Variants in DNAH2 observed in about 807,000 individuals in gnomAD.
DNAH2 encodes dynein axonemal heavy chain 2, also known as axonemal beta dynein heavy chain 2.
Under a neutral mutation model 523.5 loss-of-function variants are expected in DNAH2, and 323 were observed. The ratio of observed to expected loss-of-function variants is 0.62; its 90% CI spans 0.56 to 0.68. DNAH2 has a LOEUF of 0.68. Ranked by LOEUF, DNAH2 falls within the 30% of genes least tolerant of loss-of-function variation. The probability of loss-of-function intolerance (pLI) is 0.00; values close to 1 mark genes in which losing one functional copy is unlikely to be tolerated. For synonymous variants in DNAH2, 2,093 were observed against 2,177.4 expected (o/e 0.96, Z 1.08); for missense variants, 4,907 against 5,701.5 (o/e 0.86, Z 4.49).
chr17:7,799,360 C>CAA (rs2077159659), intron 56 of DNAH2, 118 bp downstream of exon 56: 1 of 1,389,506 alleles, frequency 7.2e-7, no homozygotes, highest in African/African-American at 1.4e-5. Context: ...CTGCCCGCCT[C>CAA]ACCCATCTCC....
intron 14 of DNAH2, 31 bp from the exon 15 acceptor site, chr17:7,758,854 G>A (rs1011260031): frequency 2.5e-6 from 4 of 1,610,492 alleles, no homozygotes; most frequent in Non-Finnish European, 3.4e-6. Context: ...TTCCCGAGCT[G>A]AAACTCCCCC....
At chr17:7,762,126 C>T (rs1236356096) in intron 18 of DNAH2, among the ~76,000 whole-genome samples, 9 of 152,204 alleles carry the variant, frequency 5.9e-5, no homozygotes, top group African/African-American at 1.7e-4. Flanking sequence ...TACCTTGGAA[C>T]CTTGTGAAAT....
intron 70 of DNAH2, 52 bp downstream of exon 70, chr17:7,818,828 C>A (rs1189546036): frequency 1.7e-5 from 28 of 1,611,356 alleles, no homozygotes; most frequent in Non-Finnish European, 2.4e-5. Flanking sequence ...TCCCAGCCAG[C>A]CTCCACCCAG....
Position 7,817,822 on chromosome 17 carries a change from C to G in DNAH2, c.10202C>G (p.Ala3401Gly). Residue 3401 changes from alanine to glycine, a missense_variant, in exon 67 of 86, where the codon GCC (alanine) becomes GGC (glycine). Physicochemically the swap from Ala to Gly is moderately conservative, Grantham distance 60. This residue lies in a region of DNAH2 where 1,851 missense variants were observed against 2,139.4 expected (regional missense o/e 0.87). Transcript: ENST00000572933. ...WALMIDPQAQ[A>G]LKWIKNMEGG... ...CTGATGATCGACCCTCAGGCCCAGG[C>G]CCTGAAATGGATTAAGAACATGGAA... 1.9e-6 allele frequency: 3 copies of G among 1,614,060 alleles called. No homozygotes were observed. The highest frequency in any genetic ancestry group is 2.5e-6 in the Non-Finnish European group (3 of 1,180,002).
intron 12 of DNAH2, among the ~76,000 whole-genome samples, chr17:7,746,406 T>C (rs958132854): frequency 1.3e-5 from 2 of 152,230 alleles, no homozygotes; most frequent in African/African-American, 2.4e-5. Context: ...TAGTGTACTA[T>C]ACATATTGTT....
rs564113606 is a variant in DNAH2 at position 7,817,886 on chromosome 17, C to G, written c.10236+30C>G. ...GAGGCTGGGGGGTCAGGTTAGCCCC[C>G]CCCTTCCTGAGGCCCCACCTCTCCC... On this transcript the variant is annotated intron_variant, in intron 67 of 85. Transcript: ENST00000572933. 3.1e-6 allele frequency: 5 copies of G among 1,614,020 alleles called. No homozygotes were observed. In the South Asian group the frequency reaches 4.4e-5, roughly 14 times the overall value.
rs753195970 is a variant in DNAH2, at chr17:7,817,331, C to G, written c.9936C>G (p.Leu3312=). 1 of 1,608,344 alleles carries G rather than the reference C, an allele frequency of 6.2e-7. No homozygotes were observed. Among genetic ancestry groups the G allele is most frequent in the Non-Finnish European group, 8.5e-7 (1 of 1,178,410 alleles). The change falls in exon 65 of 86, where the codon CTC becomes CTG. Residue 3312 remains leucine (L), a synonymous_variant. Transcript: ENST00000572933. ...TGGGCTACCTGGTGGGGGACTGTCTCCTGGCAGCTGCCTTCCTGTCCTACA... is the reference window on the plus strand; with the variant it reads ...TGGGCTACCTGGTGGGGGACTGTCTGCTGGCAGCTGCCTTCCTGTCCTACA... ...EDLGYLVGDC[L]LAAAFLSYMG... is the part of the protein sequence containing the mutation.
Position 7,831,347 on chromosome 17 carries a change from G to C in DNAH2, c.12459+33G>C. ...GAGCCGGGCCTGGGGGAGGGAAAGT[G>C]ATGAGAAGAGGGGGCTACACTCAAG... On this transcript the variant is annotated intron_variant, in intron 80 of 85. Coordinates refer to ENST00000572933, the MANE Select transcript of DNAH2 (RefSeq NM_020877.5). The surrounding 1 kb of genome is among the most constrained non-coding windows in gnomAD (Gnocchi z 4.2). 1 of 1,614,002 alleles carries C rather than the reference G, an allele frequency of 6.2e-7. No individual in the cohort carries two copies. The highest frequency in any genetic ancestry group is 8.5e-7 in the Non-Finnish European group (1 of 1,179,952).
At chr17:7,779,526 T>C in intron 36 of DNAH2, 103 bp downstream of exon 36, 2 of 1,265,076 alleles carry the variant, frequency 1.6e-6, no homozygotes, top group Non-Finnish European at 1.1e-6. Context: ...CGAATGTATA[T>C]AGCTAAGTGA....
chr17:7,719,813 C>G lies in DNAH2; in HGVS notation c.79C>G (p.Arg27Gly). Residue 27 changes from arginine to glycine, a missense_variant, in exon 2 of 86, where the codon CGG (arginine) becomes GGG (glycine). Physicochemically the swap from Arg to Gly is moderately radical, Grantham distance 125 (BLOSUM62 -2). Around this residue, in one of 3 missense-constraint regions of DNAH2, gnomAD observed 2,806 missense variants for 3,190.8 expected, o/e 0.88. Coordinates refer to ENST00000572933, the MANE Select transcript of DNAH2 (RefSeq NM_020877.5). ...SQASWSGRAT[R>G]AAVATQEQGN... Reference sequence around the variant, plus strand: ...GGCAAGCTGGTCAGGGCGGGCCACTCGGGCTGCTGTGGCCACACAGGAGCA... The same window carrying G: ...GGCAAGCTGGTCAGGGCGGGCCACTGGGGCTGCTGTGGCCACACAGGAGCA... The G allele has an allele frequency of 6.2e-7, 1 of 1,612,812 alleles. No homozygotes were observed. The highest frequency in any genetic ancestry group is 8.5e-7 in the Non-Finnish European group (1 of 1,179,442).
In DNAH2 at chr17:7,797,312, A is replaced by T. The variant is rs770922161; in HGVS notation, c.7949+51A>T. On this transcript the variant is annotated intron_variant, in intron 51 of 85. Coordinates refer to ENST00000572933, the MANE Select transcript of DNAH2 (RefSeq NM_020877.5). ...CGAAGGCTTCCTCAGCCTTGCTCCC[A>T]CCCCTACTTTGTTCCCAGCCTGACA... The T allele has an allele frequency of 8.7e-6, 14 of 1,613,048 alleles. No individual in the cohort carries two copies. The East Asian group carries it at 3.1e-4, about 36-fold the overall frequency.
chr17:7,761,158 A>C (rs1348839463), intron 18 of DNAH2, among the ~76,000 whole-genome samples: 10 of 152,184 alleles, frequency 6.6e-5, no homozygotes, highest in Non-Finnish European at 1.2e-4. Context: ...CTAGGGGAGG[A>C]TGGCAGGGCC....
chr17:7,759,395 C>G, intron 15 of DNAH2, 27 bp from the exon 16 acceptor site: 1 of 1,583,772 alleles, frequency 6.3e-7, no homozygotes, highest in Non-Finnish European at 8.6e-7. Flanking sequence ...CTGAAAAGTT[C>G]TCTTTTTCCT....
In DNAH2 at chr17:7,781,039, C is replaced by A. The variant is rs1383146953; in HGVS notation, c.6004-3C>A. ...GCCTGAGTCTCTGTCTTTTCCCATT[C>A]AGGTTCTGCTGCTCTCAATGAGAGA... On this transcript the variant is annotated splice_region_variant and splice_polypyrimidine_tract_variant and intron_variant, in intron 38 of 85. Coordinates refer to ENST00000572933, the MANE Select transcript of DNAH2 (RefSeq NM_020877.5). 5.6e-6 allele frequency: 9 copies of A among 1,614,034 alleles called. No individual in the cohort carries two copies. The South Asian group carries it at 7.7e-5, about 14-fold the overall frequency.
In DNAH2 at chr17:7,780,655, T is replaced by A; in HGVS notation, c.5876T>A (p.Leu1959His). Residue 1959 changes from leucine to histidine, a missense_variant, in exon 38 of 86, where the codon CTC (leucine) becomes CAC (histidine). By Grantham distance (99) the Leu-to-His change is moderately conservative (BLOSUM62 -3). Coordinates refer to ENST00000572933, the MANE Select transcript of DNAH2 (RefSeq NM_020877.5). The surrounding 1 kb of genome is among the most constrained non-coding windows in gnomAD (Gnocchi z 4.4). ...ATTCTGGCCAAGAAGGTGTACACAC[T>A]CTACTCACTGGCTGTGCAGCAGCTG... ...CKILAKKVYT[L>H]YSLAVQQLSR... is the part of the protein sequence containing the mutation. 6.2e-7 allele frequency: 1 copy of A among 1,614,196 alleles called. No individual in the cohort carries two copies. The highest frequency in any genetic ancestry group is 8.5e-7 in the Non-Finnish European group (1 of 1,180,034).
At chr17:7,722,530 C>T (rs2074648086) in intron 2 of DNAH2, among the ~76,000 whole-genome samples, 1 of 152,144 alleles carries the variant, frequency 6.6e-6, no homozygotes, top group Admixed American at 6.5e-5. Flanking sequence ...TGCATCAGAG[C>T]CTCGTCTTTT....
chr17:7,811,412 T>G (rs2077514026), intron 63 of DNAH2, among the ~76,000 whole-genome samples: 1 of 152,214 alleles, frequency 6.6e-6, no homozygotes. Context: ...ACTTCAACCT[T>G]CTGAAGTTAA....
intron 63 of DNAH2, among the ~76,000 whole-genome samples, chr17:7,810,037 C>T (rs1270547884): frequency 1.3e-5 from 2 of 149,580 alleles, no homozygotes; most frequent in African/African-American, 4.9e-5. Context: ...TCCTTCCTTC[C>T]TTTTCTTCTT....
intron 56 of DNAH2, among the ~76,000 whole-genome samples, chr17:7,800,467 T>G (rs1338890577): frequency 6.6e-6 from 1 of 152,218 alleles, no homozygotes; most frequent in African/African-American, 2.4e-5. Flanking sequence ...AATATTATCT[T>G]GTATGTCTAT....
Sources: allele counts gnomAD v4.1 joint callset (sites outside exome capture counted in the v4.1 genomes callset), GRCh38; gene constraint gnomAD v4.1.1; regional missense constraint gnomAD v4.1.1; non-coding constraint Gnocchi (gnomAD v3.1); transcripts MANE v1.5; gene names NCBI Gene and HGNC (gene_info 2026-07-23, HGNC 2026-07-21).